Variants in MYO5B observed in about 807,000 individuals in gnomAD.
MYO5B encodes the protein unconventional myosin-Vb.
MYO5B carries 143 observed loss-of-function variants against 229.3 expected under a neutral mutation model. The ratio of observed to expected loss-of-function variants is 0.62; its 90% CI spans 0.54 to 0.72. MYO5B has a LOEUF of 0.72. MYO5B is among the 30% of genes least tolerant of loss of function. The pLI is 0.00. For missense variants in MYO5B, 2,321 were observed against 2,331.0 expected (o/e 1.00, Z 0.09); for synonymous variants, 918 against 885.2 (o/e 1.04, Z -0.66).
At chr18:50,021,043 T>C (rs1375352808) in intron 4 of MYO5B, among the ~76,000 whole-genome samples, 7 of 152,114 alleles carry the variant, frequency 4.6e-5, no homozygotes, top group South Asian at 2.1e-4. Context: ...ACTAAGAACA[T>C]GGTGTAGCAA....
At chr18:50,061,777 G>A (rs1198629651) in intron 1 of MYO5B, among the ~76,000 whole-genome samples, 1 of 152,172 alleles carries the variant, frequency 6.6e-6, no homozygotes, top group Non-Finnish European at 1.5e-5. Context: ...GTGAACCTCA[G>A]GAGCCAAGGT....
chr18:49,864,952 A>G (rs1245904475), intron 27 of MYO5B, among the ~76,000 whole-genome samples: 1 of 152,190 alleles, frequency 6.6e-6, no homozygotes, highest in East Asian at 1.9e-4. Context: ...CAGAGGAAAA[A>G]TACCTACATA....
At chr18:50,081,867 T>C (rs1242907494) in intron 1 of MYO5B, among the ~76,000 whole-genome samples, 2 of 152,222 alleles carry the variant, frequency 1.3e-5, no homozygotes, top group Non-Finnish European at 2.9e-5. Flanking sequence ...GGTTTGAGGC[T>C]AGCCTGATGG....
At chr18:49,977,915 CAG>C (rs967783955) in intron 9 of MYO5B, among the ~76,000 whole-genome samples, 13 of 152,202 alleles carry the variant, frequency 8.5e-5, no homozygotes, top group African/African-American at 3.1e-4. Flanking sequence ...GAAGAGGAAA[CAG>C]AGAGGTTAGC....
In MYO5B at chr18:49,836,738, G is replaced by A. The variant is rs1298275973; in HGVS notation, c.5286C>T (p.Ser1762=). 6.2e-7 allele frequency: 1 copy of A among 1,614,024 alleles called. No homozygotes were observed. Among genetic ancestry groups the A allele is most frequent in the African/African-American group, 1.3e-5 (1 of 74,914 alleles). Residue 1762 remains serine (S), a synonymous_variant, in exon 38 of 40, where the codon TCC becomes TCT. Coordinates refer to ENST00000285039, the MANE Select transcript of MYO5B (RefSeq NM_001080467.3). Reference sequence around the variant, plus strand: ...GCTGGGTGCTGAGGGAGGTACACAGGGAGCAGATAGCCTCTGCGTCCTCCT... The same window carrying A: ...GCTGGGTGCTGAGGGAGGTACACAGAGAGCAGATAGCCTCTGCGTCCTCCT... The part of the protein sequence containing the change: ...KTQEDAEAIC[S]LCTSLSTQQI...
At chr18:49,947,348 G>A (rs1265994958) in intron 14 of MYO5B, among the ~76,000 whole-genome samples, 5 of 151,930 alleles carry the variant, frequency 3.3e-5, no homozygotes, top group African/African-American at 9.7e-5. Flanking sequence ...CTTGTGATCC[G>A]CCTGCCTTGG....
intron 2 of MYO5B, 43 bp downstream of exon 2, chr18:50,055,225 G>GGGCCCC: frequency 1.3e-5 from 9 of 700,370 alleles, no homozygotes; most frequent in East Asian, 5.3e-5. Context: ...TGAGCTCCCT[G>GGGCCCC]CCCCACCTCA....
chr18:49,826,453 T>C lies in MYO5B; in HGVS notation c.*18A>G, dbSNP rs765714917. On this transcript the variant is annotated 3_prime_UTR_variant, in exon 40 of 40. Transcript: ENST00000285039. ...TTGCTCACATTGGGAATCAAACTAA[T>C]GCTGGAAACATGCATCTTCAGACTT... The C allele has an allele frequency of 4.5e-5, 72 of 1,612,200 alleles. No individual in the cohort carries two copies. Among genetic ancestry groups the C allele is most frequent in the Non-Finnish European group, 5.5e-5 (65 of 1,179,234 alleles).
chr18:50,020,035 C>A (rs973471686), intron 4 of MYO5B, among the ~76,000 whole-genome samples: 2 of 152,170 alleles, frequency 1.3e-5, no homozygotes, highest in African/African-American at 4.8e-5. Context: ...GCTCACCAAG[C>A]TCATCTACCC....
At position 49,962,314 on chromosome 18, in the gene MYO5B, G is replaced by A; in HGVS notation, c.1497C>T (p.Leu499=). 4.3e-6 allele frequency: 7 copies of A among 1,614,200 alleles called. No homozygotes were observed. The highest frequency in any genetic ancestry group is 5.9e-6 in the Non-Finnish European group (7 of 1,180,034). ...DFYDNQPCID[L]IEAKLGILDL... ...CCAAGATACCCAGCTTGGCTTCAAT[G>A]AGGTCGATACAAGGTTGGTTATCAT... is the stretch of plus-strand genomic sequence containing the variant. Residue 499 remains leucine, a synonymous_variant, in exon 12 of 40, where the codon CTC becomes CTT. Transcript: ENST00000285039.
At chr18:49,869,562 C>T (rs2024434788) in intron 27 of MYO5B, among the ~76,000 whole-genome samples, 1 of 152,202 alleles carries the variant, frequency 6.6e-6, no homozygotes, top group Non-Finnish European at 1.5e-5. Flanking sequence ...GTTTATTGCG[C>T]CCTCTCTGTG....
chr18:49,911,738 G>C (rs1189637716), intron 18 of MYO5B, among the ~76,000 whole-genome samples: 1 of 152,200 alleles, frequency 6.6e-6, no homozygotes, highest in Non-Finnish European at 1.5e-5. Flanking sequence ...ATATCTGTGT[G>C]TCAGTATACT....
In MYO5B at chr18:49,864,215, G is replaced by T. The variant is rs747159964; in HGVS notation, c.3769C>A (p.Arg1257Ser). Residue 1257 changes from arginine (R) to serine (S), a missense_variant, in exon 28 of 40, where the codon CGC becomes AGC. Arg to Ser is a moderately radical substitution (Grantham distance 110, BLOSUM62 -1). Coordinates refer to ENST00000285039, the MANE Select transcript of MYO5B (RefSeq NM_001080467.3). ...CTGAGGATGAGCACCTCCTCCTTGC[G>T]CACCTCGAGCTCCTCGTGGGCCAGC... is the stretch of plus-strand genomic sequence containing the variant. ...LKLAHEELEV[R>S]KEEVLILRTQ... 1.2e-6 allele frequency: 2 copies of T among 1,613,794 alleles called. No homozygotes were observed. The highest frequency in any genetic ancestry group is 1.1e-5 in the South Asian group (1 of 91,088).
intron 10 of MYO5B, among the ~76,000 whole-genome samples, chr18:49,963,400 T>TTTAA (rs367589656): frequency 0.094 from 13,822 of 147,464 alleles, 839 homozygotes; most frequent in Admixed American, 0.16. Context: ...ACTTATTTAA[T>TTTAA]TTAATTAATT....
chr18:50,036,838 G>C lies in MYO5B; in HGVS notation c.455+12C>G. ...CTACTCAGGAGGACTTCTGGGCTGAGGACATTCTCACCTGGCCATCTGCTT... is the reference window on the plus strand; with the variant it reads ...CTACTCAGGAGGACTTCTGGGCTGACGACATTCTCACCTGGCCATCTGCTT... On this transcript the variant is annotated intron_variant, in intron 4 of 39. Coordinates refer to ENST00000285039, the MANE Select transcript of MYO5B (RefSeq NM_001080467.3). 1 of 1,613,972 alleles carries C rather than the reference G, an allele frequency of 6.2e-7. No homozygotes were observed. The highest frequency in any genetic ancestry group is 8.5e-7 in the Non-Finnish European group (1 of 1,179,998).
At chr18:50,027,688 C>CATGCACATTACAGGAATCT (rs1204468275) in intron 4 of MYO5B, among the ~76,000 whole-genome samples, 9 of 152,218 alleles carry the variant, frequency 5.9e-5, no homozygotes, top group African/African-American at 2.2e-4. Context: ...AAAACTGCTC[C>CATGCACATTACAGGAATCT]ATGCACATTA....
chr18:50,076,352 C>G (rs761555756), intron 1 of MYO5B, among the ~76,000 whole-genome samples: 75 of 152,276 alleles, frequency 4.9e-4, no homozygotes, highest in Middle Eastern at 3.4e-3. Flanking sequence ...CCCAAACACC[C>G]TGAGAGTAAG....
At chr18:49,859,271 C>G (rs2024300229) in intron 29 of MYO5B, among the ~76,000 whole-genome samples, 1 of 152,220 alleles carries the variant, frequency 6.6e-6, no homozygotes, top group Admixed American at 6.5e-5. Flanking sequence ...TCTTTAATTA[C>G]TAACCTTATT....
chr18:50,088,369 G>A (rs2031376452), intron 1 of MYO5B, among the ~76,000 whole-genome samples: 1 of 152,108 alleles, frequency 6.6e-6, no homozygotes, highest in East Asian at 1.9e-4. Context: ...ACCACACACA[G>A]GAAAAATAGG....
Sources: allele counts gnomAD v4.1 joint callset (sites outside exome capture counted in the v4.1 genomes callset), GRCh38; gene constraint gnomAD v4.1.1; transcripts MANE v1.5; gene names NCBI Gene and HGNC (gene_info 2026-07-23, HGNC 2026-07-21).